Variants in CA10 observed in about 807,000 individuals in gnomAD.
The protein encoded by CA10 is carbonic anhydrase-related protein 10.
Under a neutral mutation model 44.2 loss-of-function variants are expected in CA10, and 14 were observed. The ratio of observed to expected loss-of-function variants is 0.32; its 90% CI spans 0.21 to 0.50. The LOEUF (loss-of-function observed/expected upper bound fraction) is 0.50, where lower values mean the gene tolerates loss of function less well. Ranked by LOEUF, CA10 falls within the 20% of genes least tolerant of loss-of-function variation. The pLI is 0.99. For missense variants in CA10, 350 were observed against 409.7 expected (o/e 0.85, Z 1.26); for synonymous variants, 159 against 141.6 (o/e 1.12, Z -0.87).
chr17:52,044,937 A>C (rs571069990), intron 2 of CA10, among the ~76,000 whole-genome samples: 7 of 151,980 alleles, frequency 4.6e-5, no homozygotes, highest in Non-Finnish European at 7.4e-5. Context: ...AATCTTTCCA[A>C]ATTTTATGAA....
intron 2 of CA10, among the ~76,000 whole-genome samples, chr17:51,966,588 A>T (rs1287956397): frequency 6.6e-6 from 1 of 151,890 alleles, no homozygotes; most frequent in Non-Finnish European, 1.5e-5. Flanking sequence ...TAAAGTCAAG[A>T]AAAATAAGCA....
intron 3 of CA10, among the ~76,000 whole-genome samples, chr17:51,848,095 A>G (rs1156536052): frequency 2.0e-5 from 3 of 152,198 alleles, no homozygotes; most frequent in African/African-American, 7.2e-5. Flanking sequence ...AGTGATTGAG[A>G]TAAGTAATAT....
rs142814874 is a variant in CA10 at position 51,841,027 on chromosome 17, T to C, written c.279+89963A>G. ...GCTAAGTGATGGGAGTAGGGAGAGA[T>C]GGTAACGGCCTTCAGTTTTATCAAC... On this transcript the variant is annotated intron_variant, in intron 3 of 8. Coordinates refer to ENST00000451037, the MANE Select transcript of CA10 (RefSeq NM_020178.5). 1.9e-3 allele frequency among the ~76,000 whole-genome samples: 296 copies of C among 152,244 alleles called. 6 individuals are homozygous for C. In the East Asian group the frequency reaches 0.045, roughly 23 times the overall value.
intron 2 of CA10, among the ~76,000 whole-genome samples, chr17:51,934,931 G>T (rs1038167988): frequency 6.6e-6 from 1 of 152,268 alleles, no homozygotes; most frequent in African/African-American, 2.4e-5. Flanking sequence ...TAGGACGAAG[G>T]CTGTGAAAAC....
intron 4 of CA10, among the ~76,000 whole-genome samples, chr17:51,656,490 C>T (rs1913799023): frequency 6.6e-6 from 1 of 152,170 alleles, no homozygotes; most frequent in Admixed American, 6.5e-5. Context: ...GCTTTGGTTT[C>T]TATTAGTAGT....
chr17:52,043,340 TTTGA>T (rs1212297848), intron 2 of CA10, among the ~76,000 whole-genome samples: 7 of 152,218 alleles, frequency 4.6e-5, no homozygotes, highest in Middle Eastern at 3.4e-3. Flanking sequence ...CTAGTGTAAA[TTTGA>T]TTGTTTTCTT....
At chr17:52,011,228 T>C (rs1026117385) in intron 2 of CA10, among the ~76,000 whole-genome samples, 1 of 133,138 alleles carries the variant, frequency 7.5e-6, no homozygotes, top group African/African-American at 2.5e-5. Context: ...ATCATAATCA[T>C]TTATTATTAT....
intron 3 of CA10, among the ~76,000 whole-genome samples, chr17:51,886,550 C>CA (rs1224990834): frequency 6.6e-6 from 1 of 152,150 alleles, no homozygotes; most frequent in African/African-American, 2.4e-5. Flanking sequence ...GGAAATCCAT[C>CA]CCTAAATCCA....
At chr17:51,865,512 T>C (rs1333416450) in intron 3 of CA10, among the ~76,000 whole-genome samples, 1 of 152,224 alleles carries the variant, frequency 6.6e-6, no homozygotes, top group Non-Finnish European at 1.5e-5. Flanking sequence ...GGGCTGGACA[T>C]GTTCCTTAAG....
intron 2 of CA10, among the ~76,000 whole-genome samples, chr17:52,012,505 T>C (rs1985831548): frequency 6.6e-6 from 1 of 152,036 alleles, no homozygotes; most frequent in African/African-American, 2.4e-5. Context: ...TCAAAGTTTA[T>C]AGAATTTTAG....
chr17:51,785,705 G>A (rs1395549453), intron 3 of CA10, among the ~76,000 whole-genome samples: 1 of 152,144 alleles, frequency 6.6e-6, no homozygotes, highest in Non-Finnish European at 1.5e-5. Flanking sequence ...TTGGTTACTA[G>A]AGCTCAGTAG....
At chr17:52,027,361 G>A (rs1261501992) in intron 2 of CA10, among the ~76,000 whole-genome samples, 2 of 152,076 alleles carry the variant, frequency 1.3e-5, no homozygotes, top group Non-Finnish European at 2.9e-5. Context: ...TGGTATGGGG[G>A]TAGAGGGTGG....
At chr17:51,772,416 G>A (rs1240661670) in intron 3 of CA10, among the ~76,000 whole-genome samples, 3 of 152,102 alleles carry the variant, frequency 2.0e-5, no homozygotes, top group African/African-American at 7.2e-5. Flanking sequence ...GCAAAAAAAA[G>A]TGATATAAAA....
chr17:52,041,652 C>T (rs149078205), intron 2 of CA10, among the ~76,000 whole-genome samples: 2 of 152,072 alleles, frequency 1.3e-5, no homozygotes, highest in African/African-American at 4.8e-5. Context: ...AGTATAGTCA[C>T]CATGCTGTAC....
At chr17:51,957,889 G>A (rs971198360) in intron 2 of CA10, among the ~76,000 whole-genome samples, 1 of 151,756 alleles carries the variant, frequency 6.6e-6, no homozygotes, top group Non-Finnish European at 1.5e-5. Context: ...TGTCTTTCTA[G>A]GAAACCTTTC....
At chr17:52,016,216 T>C (rs553542191) in intron 2 of CA10, among the ~76,000 whole-genome samples, 5 of 152,240 alleles carry the variant, frequency 3.3e-5, no homozygotes, top group African/African-American at 1.2e-4. Flanking sequence ...GTAGCCATCC[T>C]TTCCCATAAT....
intron 4 of CA10, among the ~76,000 whole-genome samples, chr17:51,680,844 T>C (rs1914821175): frequency 6.6e-6 from 1 of 152,112 alleles, no homozygotes; most frequent in African/African-American, 2.4e-5. Context: ...ACTTGGATAG[T>C]GATGAATGGA....
chr17:51,831,670 C>CAGCAGA (rs1908250666), intron 3 of CA10, among the ~76,000 whole-genome samples: 1 of 35,328 alleles, frequency 2.8e-5, no homozygotes, highest in Non-Finnish European at 5.9e-5. Flanking sequence ...AAAGAAAAAG[C>CAGCAGA]AGCAGCAGCA....
chr17:51,640,925 T>C (rs1913053577), intron 6 of CA10, among the ~76,000 whole-genome samples: 1 of 152,074 alleles, frequency 6.6e-6, no homozygotes, highest in Non-Finnish European at 1.5e-5. Context: ...GCTCTATTCA[T>C]GAGTAAGGAT....
Sources: allele counts gnomAD v4.1 joint callset (sites outside exome capture counted in the v4.1 genomes callset), GRCh38; gene constraint gnomAD v4.1.1; transcripts MANE v1.5; gene names NCBI Gene and HGNC (gene_info 2026-07-23, HGNC 2026-07-21).